GLOD4: variants seen among roughly 807,000 people sequenced by gnomAD.
The protein encoded by GLOD4 is glyoxalase domain-containing protein 4.
Under a neutral mutation model 39.1 loss-of-function variants are expected in GLOD4, and 44 were observed. That is an observed-to-expected ratio of 1.13 (90% CI 0.88 to 1.45). The LOEUF is 1.45. Among genes scored for constraint, GLOD4 ranks in the 40% most tolerant of loss-of-function variants. The pLI, the probability that GLOD4 is intolerant of heterozygous loss-of-function variation, is 0.00. For synonymous variants in GLOD4, 145 were observed against 135.0 expected, an observed-to-expected ratio of 1.07 and a Z score of -0.52; for missense variants, 405 against 366.4, an observed-to-expected ratio of 1.11 and a Z score of -0.86.
At chr17:766,929 A>T (rs1906678046) in intron 8 of GLOD4, among the ~76,000 whole-genome samples, 1 of 152,242 alleles carries the variant, frequency 6.6e-6, no homozygotes, top group Non-Finnish European at 1.5e-5. Context: ...TAATTTAATT[A>T]AATTAAGAGC....
intron 5 of GLOD4, 32 bp downstream of exon 5, chr17:771,293 G>T (rs767334532): frequency 1.3e-6 from 2 of 1,483,750 alleles, no homozygotes; most frequent in Admixed American, 4.2e-5. Flanking sequence ...CAAATTCAAA[G>T]TAACAGGTTA....
At chr17:767,588 G>C (rs930096963) in intron 8 of GLOD4, among the ~76,000 whole-genome samples, 5 of 149,036 alleles carry the variant, frequency 3.4e-5, no homozygotes, top group Non-Finnish European at 5.9e-5. Context: ...CAGATTTTTA[G>C]AAGAAGAAAT....
intron 3 of GLOD4, 128 bp downstream of exon 3, chr17:776,740 C>T: frequency 1.4e-6 from 1 of 731,160 alleles, no homozygotes; most frequent in Non-Finnish European, 2.4e-6. Flanking sequence ...TGGCTAACTC[C>T]CTGACCTCTT....
intron 1 of GLOD4, among the ~76,000 whole-genome samples, chr17:779,945 A>G (rs1909602656): frequency 6.6e-6 from 1 of 152,080 alleles, no homozygotes; most frequent in African/African-American, 2.4e-5. Context: ...TGGGTGGATC[A>G]TGAGGTCAGG....
upstream of GLOD4, among the ~76,000 whole-genome samples, chr17:784,122 G>A (rs1420197650): frequency 6.6e-6 from 1 of 152,180 alleles, no homozygotes; most frequent in South Asian, 2.1e-4. Context: ...ATGTAACTCC[G>A]ATGTTGATTA....
intron 5 of GLOD4, chr17:770,709 A>G: frequency 2.4e-6 from 1 of 418,360 alleles, no homozygotes; most frequent in Non-Finnish European, 4.3e-6. Flanking sequence ...TTTTTTTTAC[A>G]CAAATGGTGG....
chr17:763,090 G>C (rs2144273059), intron 8 of GLOD4, among the ~76,000 whole-genome samples: 1 of 152,048 alleles, frequency 6.6e-6, no homozygotes, highest in Admixed American at 6.5e-5. Context: ...GGCTGAGGCA[G>C]GAGAATGGTG....
chr17:762,437 TGC>T (rs1905628001), intron 8 of GLOD4, among the ~76,000 whole-genome samples: 1 of 150,946 alleles, frequency 6.6e-6, no homozygotes, highest in Admixed American at 6.6e-5. Context: ...ACCTACTCAG[TGC>T]GTGATCTTCA....
At chr17:783,093 A>G (rs772198746), upstream of GLOD4, 11 of 1,611,852 alleles carry the variant, frequency 6.8e-6, no homozygotes, top group Admixed American at 1.8e-4. Flanking sequence ...CAGTGTAATG[A>G]CAATAGTAAA....
intron 8 of GLOD4, among the ~76,000 whole-genome samples, chr17:768,518 A>T (rs1567790521): frequency 7.1e-6 from 1 of 140,822 alleles, no homozygotes; most frequent in African/African-American, 2.8e-5. Flanking sequence ...AACAGCGCGC[A>T]CTCAGATTTT....
intron 4 of GLOD4, 66 bp from the exon 5 acceptor site, chr17:771,527 T>C: frequency 3.5e-6 from 3 of 866,420 alleles, no homozygotes; most frequent in Non-Finnish European, 5.2e-6. Flanking sequence ...GACCAAAACA[T>C]GCGCATGTAT....
At position 770,046 on chromosome 17, in the gene GLOD4, G is replaced by A; in HGVS notation, c.742C>T (p.Pro248Ser). 1 of 1,600,464 alleles carries A rather than the reference G, an allele frequency of 6.2e-7. No individual in the cohort carries two copies. Among genetic ancestry groups the A allele is most frequent in the Non-Finnish European group, 8.6e-7 (1 of 1,167,654 alleles). The change falls in exon 7 of 9, where the codon CCT becomes TCT. Residue 248 changes from proline (P) to serine (S), a missense_variant and splice_region_variant. By Grantham distance (74) the Pro-to-Ser change is moderately conservative. Coordinates refer to ENST00000301329, the MANE Select transcript of GLOD4 (RefSeq NM_016080.4). ...ATVQVVILAD[P>S]DGHEICFVGD... ...CCCCCTGCCTGAGAAATACTTACAG[G>A]GTCGGCCAGAATGACCACCTGTACT...
At chr17:782,470 G>A (rs768799164), upstream of GLOD4, 2 of 1,613,668 alleles carry the variant, frequency 1.2e-6, no homozygotes, top group South Asian at 1.1e-5. Context: ...CGCTGGGTCC[G>A]GGCGCTGCGG....
In GLOD4 at chr17:782,152, G is replaced by T; in HGVS notation, c.90+14C>A. 1 of 1,578,196 alleles carries T rather than the reference G, an allele frequency of 6.3e-7. No individual in the cohort carries two copies. The highest frequency in any genetic ancestry group is 8.6e-7 in the Non-Finnish European group (1 of 1,157,142). On this transcript the variant is annotated intron_variant, in intron 1 of 8. Coordinates refer to ENST00000301329, the MANE Select transcript of GLOD4 (RefSeq NM_016080.4). ...CAGCCTCGCGCGCCAGCCCCTGTCG[G>T]CCCCGGCCTGCACCTTCATCCCCAG...
chr17:774,268 A>G (rs1437100256), intron 4 of GLOD4, among the ~76,000 whole-genome samples: 1 of 152,190 alleles, frequency 6.6e-6, no homozygotes, highest in African/African-American at 2.4e-5. Flanking sequence ...AGGAGCACTG[A>G]ACATTCTACA....
intron 4 of GLOD4, among the ~76,000 whole-genome samples, 190 bp downstream of exon 4, chr17:775,585 A>C (rs1194324627): frequency 6.6e-6 from 1 of 152,238 alleles, no homozygotes; most frequent in Non-Finnish European, 1.5e-5. Flanking sequence ...GAACTAGTCT[A>C]GATCCCCTAC....
At chr17:762,465 A>AATT (rs201270237) in intron 8 of GLOD4, among the ~76,000 whole-genome samples, 5 of 148,590 alleles carry the variant, frequency 3.4e-5, no homozygotes, top group African/African-American at 9.9e-5. Flanking sequence ...GAAGGGGAAT[A>AATT]ATTTCATCAC....
chr17:763,462 A>G (rs575120105), intron 8 of GLOD4: 4 of 151,026 alleles, frequency 2.6e-5, no homozygotes, highest in African/African-American at 9.7e-5. Flanking sequence ...CGGAGGCTGC[A>G]GTGAGCTGAG....
At position 760,368 on chromosome 17, in the gene GLOD4, C is replaced by T; in HGVS notation, c.832-130G>A. Reference sequence around the variant, plus strand: ...TAAAAAAAGGACCCAAACCCCCGCTCCAAAAAAAAGAGAAGAGAAATAAAA... The same window carrying T: ...TAAAAAAAGGACCCAAACCCCCGCTTCAAAAAAAAGAGAAGAGAAATAAAA... On this transcript the variant is annotated intron_variant, in intron 8 of 8. Transcript: ENST00000301329. The T allele has an allele frequency of 6.6e-6, 4 of 609,328 alleles. No individual in the cohort carries two copies. The East Asian group carries it at 1.1e-4, about 17-fold the overall frequency. The allele number at this position is 609,328 out of a possible 1,614,324, so 37.7% of individuals were successfully genotyped here.
Sources: gnomAD v4.1 joint callset for allele counts (sites outside exome capture counted in the v4.1 genomes callset) on GRCh38, gnomAD v4.1.1 for gene constraint, MANE v1.5 for transcripts, NCBI Gene and HGNC (gene_info 2026-07-23, HGNC 2026-07-21) for gene names.